IFT43: variants seen among roughly 807,000 people sequenced by gnomAD.
IFT43 encodes intraflagellar transport 43.
Under a neutral mutation model 32.3 loss-of-function variants are expected in IFT43, and 33 were observed. The ratio of observed to expected loss-of-function variants is 1.02; its 90% CI spans 0.77 to 1.37. IFT43 has a LOEUF of 1.37. Among genes scored for constraint, IFT43 ranks in the 40% most tolerant of loss-of-function variants. IFT43 has a pLI of 0.00. For synonymous variants in IFT43, 93 were observed against 98.2 expected (o/e 0.95, Z 0.31); for missense variants, 274 against 265.9 (o/e 1.03, Z -0.21).
chr14:75,996,677 A>G (rs2035753516), intron 2 of IFT43, among the ~76,000 whole-genome samples: 1 of 152,194 alleles, frequency 6.6e-6, no homozygotes, highest in Non-Finnish European at 1.5e-5. Context: ...TTGTTTGCCA[A>G]CACCTTTCTG....
At chr14:76,059,044 G>A in intron 4 of IFT43, 1 of 1,423,004 alleles carries the variant, frequency 7.0e-7, no homozygotes, top group African/African-American at 1.4e-5. Flanking sequence ...AGATAAAGGT[G>A]CTGTGAAGGT....
intron 2 of IFT43, among the ~76,000 whole-genome samples, chr14:76,019,888 T>C (rs2036257915): frequency 6.6e-6 from 1 of 152,120 alleles, no homozygotes; most frequent in African/African-American, 2.4e-5. Context: ...CTTCTTCAGT[T>C]CCAGGATTTC....
At chr14:76,005,526 G>T (rs190720377) in intron 2 of IFT43, among the ~76,000 whole-genome samples, 1 of 152,136 alleles carries the variant, frequency 6.6e-6, no homozygotes, top group African/African-American at 2.4e-5. Context: ...TGGGTTTCTT[G>T]GAGTCTCCTT....
intron 3 of IFT43, among the ~76,000 whole-genome samples, chr14:76,033,929 T>C (rs1215659238): frequency 6.6e-6 from 1 of 152,184 alleles, no homozygotes; most frequent in African/African-American, 2.4e-5. Context: ...GAGTGTCTTA[T>C]AGCGGAGATA....
At chr14:76,027,906 C>G (rs2036434518) in intron 3 of IFT43, among the ~76,000 whole-genome samples, 1 of 151,970 alleles carries the variant, frequency 6.6e-6, no homozygotes, top group African/African-American at 2.4e-5. Flanking sequence ...TCGTAGTTGT[C>G]TTTTTAGTCT....
chr14:75,989,349 G>A (rs1186895515), intron 2 of IFT43, among the ~76,000 whole-genome samples: 1 of 152,138 alleles, frequency 6.6e-6, no homozygotes. Flanking sequence ...ATTGCTCTCG[G>A]TGGTGACCTG....
intron 3 of IFT43, among the ~76,000 whole-genome samples, chr14:76,047,703 G>A (rs75938621): frequency 0.016 from 2,378 of 151,174 alleles, 75 homozygotes; most frequent in African/African-American, 0.055. Context: ...CTGCCCGCCT[G>A]CCTTCCTCCC....
At chr14:76,064,106 T>G (rs182828411) in intron 5 of IFT43, among the ~76,000 whole-genome samples, 1 of 152,314 alleles carries the variant, frequency 6.6e-6, no homozygotes, top group Non-Finnish European at 1.5e-5. Flanking sequence ...CATACTCTCA[T>G]CATTCTCCAG....
At chr14:76,070,515 C>T (rs1487994797) in intron 5 of IFT43, among the ~76,000 whole-genome samples, 2 of 152,150 alleles carry the variant, frequency 1.3e-5, no homozygotes, top group Non-Finnish European at 2.9e-5. Context: ...TATGAGACTT[C>T]CTAGGTGGTT....
At chr14:76,006,345 CTG>C (rs760347380) in intron 2 of IFT43, among the ~76,000 whole-genome samples, 4 of 152,216 alleles carry the variant, frequency 2.6e-5, no homozygotes, top group Non-Finnish European at 5.9e-5. Flanking sequence ...GATTAAGTGA[CTG>C]TTCCTAGGTC....
chr14:76,042,062 G>A (rs1186122849), intron 3 of IFT43, among the ~76,000 whole-genome samples: 2 of 151,988 alleles, frequency 1.3e-5, no homozygotes, highest in Non-Finnish European at 2.9e-5. Context: ...ACCCATTTGT[G>A]GAGAGCCCAC....
At chr14:76,040,972 C>T (rs923221935) in intron 3 of IFT43, among the ~76,000 whole-genome samples, 3 of 152,234 alleles carry the variant, frequency 2.0e-5, no homozygotes, top group Non-Finnish European at 4.4e-5. Flanking sequence ...GGGCCCAAGT[C>T]AGCAGAACTG....
intron 5 of IFT43, among the ~76,000 whole-genome samples, chr14:76,068,030 A>G (rs987061841): frequency 1.3e-5 from 2 of 152,222 alleles, no homozygotes; most frequent in South Asian, 4.1e-4. Flanking sequence ...GGGACAAGGC[A>G]TAAAAGGTAA....
At chr14:76,012,402 A>G (rs780489677) in intron 2 of IFT43, among the ~76,000 whole-genome samples, 5 of 152,178 alleles carry the variant, frequency 3.3e-5, no homozygotes, top group Admixed American at 1.3e-4. Flanking sequence ...GCCCATTCGG[A>G]TGAGACCATA....
chr14:76,029,271 A>T (rs989288510), intron 3 of IFT43, among the ~76,000 whole-genome samples: 2 of 152,166 alleles, frequency 1.3e-5, no homozygotes, highest in African/African-American at 4.8e-5. Context: ...TTCTTTTGAG[A>T]AGTGTCTGTT....
In IFT43 at chr14:76,066,033, C is replaced by T. The variant is rs550068058; in HGVS notation, c.295+6660C>T. ...ATATGGACCTTGACCTCAGGGCCCT[C>T]GTTCTTAGCCTCCAGGCTCTAACAA... is the stretch of plus-strand genomic sequence containing the variant. On this transcript the variant is annotated intron_variant, in intron 5 of 8. Transcript: ENST00000314067. Among the ~76,000 whole-genome samples, 77 of 152,322 alleles carry T rather than the reference C, an allele frequency of 5.1e-4. 1 individual carries two copies. Among genetic ancestry groups the T allele is most frequent in the African/African-American group, 1.7e-3 (70 of 41,574 alleles).
At chr14:76,082,443 CCTTGAT>C in intron 6 of IFT43, 76 bp downstream of exon 6, 1 of 476,286 alleles carries the variant, frequency 2.1e-6, no homozygotes, top group Non-Finnish European at 3.4e-6. Context: ...CTATAGTGGA[CCTTGAT>C]GTCAATCTGG....
At chr14:76,076,806 C>A in intron 5 of IFT43, 1 of 1,262,118 alleles carries the variant, frequency 7.9e-7, no homozygotes, top group Non-Finnish European at 1.1e-6. Context: ...GAATGTATTT[C>A]AGGCCAAATG....
At chr14:76,017,007 C>G (rs1327578151) in intron 2 of IFT43, among the ~76,000 whole-genome samples, 1 of 152,178 alleles carries the variant, frequency 6.6e-6, no homozygotes, top group Non-Finnish European at 1.5e-5. Flanking sequence ...GACAATTTCA[C>G]TTCCTGTCTA....
Sources: allele counts gnomAD v4.1 joint callset (sites outside exome capture counted in the v4.1 genomes callset), GRCh38; gene constraint gnomAD v4.1.1; transcripts MANE v1.5; gene names NCBI Gene and HGNC (gene_info 2026-07-23, HGNC 2026-07-21).